Variants in TTI2 observed in about 807,000 individuals in gnomAD.
The protein encoded by TTI2 is TELO2-interacting protein 2.
TTI2 carries 26 observed loss-of-function variants against 44.9 expected under a neutral mutation model. The ratio of observed to expected loss-of-function variants is 0.58; its 90% CI spans 0.42 to 0.80. The LOEUF (loss-of-function observed/expected upper bound fraction) is 0.80, where lower values mean the gene tolerates loss of function less well. Ranked by LOEUF, TTI2 falls within the 30% of genes least tolerant of loss-of-function variation. The pLI, the probability that TTI2 is intolerant of heterozygous loss-of-function variation, is 0.00. For synonymous variants in TTI2, 254 were observed against 250.9 expected, an observed-to-expected ratio of 1.01 and a Z score of -0.12; for missense variants, 582 against 611.6, an observed-to-expected ratio of 0.95 and a Z score of 0.51.
chr8:33,511,813 C>A (rs1432580698), intron 2 of TTI2, among the ~76,000 whole-genome samples, 154 bp downstream of exon 2: 1 of 152,100 alleles, frequency 6.6e-6, no homozygotes, highest in African/African-American at 2.4e-5. Flanking sequence ...CGCTTGAACC[C>A]AGGAGGCGGA....
intron 6 of TTI2, among the ~76,000 whole-genome samples, chr8:33,503,084 G>A (rs1167370865): frequency 2.7e-5 from 4 of 149,108 alleles, no homozygotes; most frequent in African/African-American, 7.5e-5. Context: ...GGCAGAGATC[G>A]CGCCACTGGA....
intron 6 of TTI2, chr8:33,501,261 G>T (rs1809068370): frequency 6.6e-6 from 1 of 152,204 alleles, no homozygotes; most frequent in Non-Finnish European, 1.5e-5. Flanking sequence ...TTTATGGACA[G>T]ATGCGTGACT....
intron 4 of TTI2, among the ~76,000 whole-genome samples, 173 bp from the exon 5 acceptor site, chr8:33,504,108 TA>T (rs1585325841): frequency 6.6e-6 from 1 of 152,134 alleles, no homozygotes; most frequent in African/African-American, 2.4e-5. Flanking sequence ...CAAACTTTTT[TA>T]CATTCTTAAT....
chr8:33,503,454 G>A lies in TTI2; in HGVS notation c.1234C>T (p.Leu412Phe). Residue 412 changes from leucine (L) to phenylalanine (F), a missense_variant, in exon 6 of 8, where the codon CTT (leucine) becomes TTT (phenylalanine). Leu to Phe is a conservative substitution (Grantham distance 22). Coordinates refer to ENST00000431156, the MANE Select transcript of TTI2 (RefSeq NM_001102401.4). The part of the protein sequence containing the change: ...ARLKILETLK[L>F]LMQHTWPRVS... Reference sequence around the variant, plus strand: ...CTGGGCCAAGTATGTTGCATGAGAAGTTTTAGGGTTTCCAATATCTTCAGT... The same window carrying A: ...CTGGGCCAAGTATGTTGCATGAGAAATTTTAGGGTTTCCAATATCTTCAGT... 3 of 1,614,152 alleles carry A rather than the reference G, an allele frequency of 1.9e-6. No individual in the cohort carries two copies. The highest frequency in any genetic ancestry group is 2.2e-5 in the East Asian group (1 of 44,868).
rs534914103 is a variant in TTI2, at chr8:33,507,950, C to T, written c.835-629G>A. Among the ~76,000 whole-genome samples, 15 of 144,042 alleles carry T rather than the reference C, an allele frequency of 1.0e-4. No individual in the cohort carries two copies. The East Asian group carries it at 3.1e-3, about 30-fold the overall frequency. The allele number at this position is 144,042 out of a possible 152,430, so 94.5% of individuals were successfully genotyped here. On this transcript the variant is annotated intron_variant, in intron 3 of 7. Coordinates refer to ENST00000431156, the MANE Select transcript of TTI2 (RefSeq NM_001102401.4). ...GCTGCAGTGAGCTATGATTGTGCCA[C>T]TGCACTCTAGCCTGGGTAACAGAGC...
chr8:33,509,132 CAAAAAAA>C (rs751009227), intron 3 of TTI2, among the ~76,000 whole-genome samples: 25 of 97,064 alleles, frequency 2.6e-4, no homozygotes, highest in Admixed American at 3.9e-4. Context: ...GATAATGTCT[CAAAAAAA>C]AAAAAAAAAA....
intron 2 of TTI2, 96 bp from the exon 3 acceptor site, chr8:33,510,028 T>C: frequency 2.0e-6 from 2 of 999,694 alleles, no homozygotes; most frequent in Non-Finnish European, 2.9e-6. Context: ...AGTATTTTCA[T>C]GTCTTTGAAA....
chr8:33,499,101 T>A lies in TTI2; in HGVS notation c.*72A>T. On this transcript the variant is annotated 3_prime_UTR_variant, in exon 8 of 8. Transcript: ENST00000431156. ...AGTTTCGTGTAAAAATATCTTTTTT[T>A]CTTAAATAACTCCATTCATACAAAT... 7.8e-7 allele frequency: 1 copy of A among 1,276,118 alleles called. No homozygotes were observed. Among genetic ancestry groups the A allele is most frequent in the Non-Finnish European group, 1.1e-6 (1 of 878,742 alleles). 79.0% of individuals were successfully genotyped at this position (1,276,118 alleles called of 1,614,324 possible).
rs761173417 is a variant in TTI2 at position 33,509,748 on chromosome 8, C to T, written c.832G>A (p.Val278Met). 6 of 1,614,024 alleles carry T rather than the reference C, an allele frequency of 3.7e-6. No individual in the cohort carries two copies. Among genetic ancestry groups the T allele is most frequent in the Non-Finnish European group, 5.1e-6 (6 of 1,179,960 alleles). Reference protein sequence around the residue: ...VHCLHHIVLNVPAADLLQYNR... With the variant: ...VHCLHHIVLNMPAADLLQYNR... ...ATGACAAGCCAGAGGTTGCTTACCACATTAAGCACAATGTGATGGAGACAG... is the reference window on the plus strand; with the variant it reads ...ATGACAAGCCAGAGGTTGCTTACCATATTAAGCACAATGTGATGGAGACAG... Residue 278 changes from valine (V) to methionine (M), a missense_variant and splice_region_variant, in exon 3 of 8, where the codon GTG becomes ATG. Transcript: ENST00000431156.
chr8:33,511,844 G>T, intron 2 of TTI2, 123 bp downstream of exon 2: 2 of 1,136,544 alleles, frequency 1.8e-6, no homozygotes, highest in Non-Finnish European at 2.5e-6. Context: ...AGCTGAGATC[G>T]CAACATTGCA....
At chr8:33,506,090 C>T (rs1254567174) in intron 4 of TTI2, among the ~76,000 whole-genome samples, 1 of 152,040 alleles carries the variant, frequency 6.6e-6, no homozygotes. Flanking sequence ...TGGCCACCCA[C>T]TGCGCTTTAT....
chr8:33,505,097 C>T (rs1809247026), intron 4 of TTI2, among the ~76,000 whole-genome samples: 1 of 152,088 alleles, frequency 6.6e-6, no homozygotes, highest in Non-Finnish European at 1.5e-5. Flanking sequence ...GTGGCACCTG[C>T]CTGTAATCCC....
rs868401821 is a variant in TTI2, at chr8:33,503,856, G to A, written c.1007C>T (p.Thr336Ile). Residue 336 changes from threonine to isoleucine, a missense_variant, in exon 5 of 8, where the codon ACC becomes ATC. Coordinates refer to ENST00000431156, the MANE Select transcript of TTI2 (RefSeq NM_001102401.4). ...CCGCAGGACCTCATCACAATGGGTGGTGGGTCGAGCTCCATCTCCTTTCCA... is the reference window on the plus strand; with the variant it reads ...CCGCAGGACCTCATCACAATGGGTGATGGGTCGAGCTCCATCTCCTTTCCA... ...LHWKGDGARP[T>I]THCDEVLRLI... 5.6e-6 allele frequency: 9 copies of A among 1,614,058 alleles called. No individual in the cohort carries two copies. The African/African-American group carries it at 1.1e-4, about 19-fold the overall frequency.
chr8:33,509,477 G>GAAAAA (rs1263829505), intron 3 of TTI2, among the ~76,000 whole-genome samples: 1 of 119,132 alleles, frequency 8.4e-6, no homozygotes, highest in African/African-American at 3.4e-5. Flanking sequence ...AAAAAAAAAA[G>GAAAAA]AAAGAAAGAA....
At chr8:33,509,132 CAAAAAA>C (rs751009227) in intron 3 of TTI2, among the ~76,000 whole-genome samples, 3 of 97,104 alleles carry the variant, frequency 3.1e-5, no homozygotes, top group African/African-American at 1.2e-4. Flanking sequence ...GATAATGTCT[CAAAAAA>C]AAAAAAAAAA....
At chr8:33,506,094 G>A (rs919078207) in intron 4 of TTI2, among the ~76,000 whole-genome samples, 9 of 151,920 alleles carry the variant, frequency 5.9e-5, no homozygotes, top group Admixed American at 2.6e-4. Flanking sequence ...CACCCACTGC[G>A]CTTTATAGAA....
chr8:33,500,089 C>T (rs888961912), intron 7 of TTI2: 1 of 465,012 alleles, frequency 2.2e-6, no homozygotes. Flanking sequence ...TCGTCCTTAG[C>T]CCCAGTGACA....
intron 3 of TTI2, 44 bp from the exon 4 acceptor site, chr8:33,507,365 G>A (rs571982868): frequency 1.3e-6 from 2 of 1,559,174 alleles, no homozygotes; most frequent in Non-Finnish European, 8.8e-7. Flanking sequence ...AGTTTCCCAA[G>A]ATTGGCACAT....
chr8:33,512,788 A>C, intron 1 of TTI2, 76 bp from the exon 2 acceptor site: 3 of 700,340 alleles, frequency 4.3e-6, no homozygotes, highest in Non-Finnish European at 6.8e-6. Flanking sequence ...AATAAAGAGA[A>C]AGGGTGAACC....
Sources: allele counts gnomAD v4.1 joint callset (sites outside exome capture counted in the v4.1 genomes callset), GRCh38; gene constraint gnomAD v4.1.1; transcripts MANE v1.5; gene names NCBI Gene and HGNC (gene_info 2026-07-23, HGNC 2026-07-21).